SSBP2: variants seen among roughly 807,000 people sequenced by gnomAD.
The protein encoded by SSBP2 is single-stranded DNA-binding protein 2.
SSBP2 carries 17 observed loss-of-function variants against 61.8 expected under a neutral mutation model. The ratio of observed to expected loss-of-function variants is 0.28; its 90% CI spans 0.19 to 0.41. SSBP2 has a LOEUF of 0.41. Ranked by LOEUF, SSBP2 falls within the 10% of genes least tolerant of loss-of-function variation. SSBP2 has a pLI of 1.00. For synonymous variants in SSBP2, 139 were observed against 141.3 expected, an observed-to-expected ratio of 0.98 and a Z score of 0.12; for missense variants, 310 against 458.7, an observed-to-expected ratio of 0.68 and a Z score of 2.96.
intron 5 of SSBP2, among the ~76,000 whole-genome samples, chr5:81,496,803 C>A (rs140096480): frequency 6.6e-6 from 1 of 151,794 alleles, no homozygotes; most frequent in South Asian, 2.1e-4. Context: ...CTTTGTAACA[C>A]CCTGCCATAG....
chr5:81,453,557 C>T (rs574942522), intron 10 of SSBP2, among the ~76,000 whole-genome samples: 5 of 151,040 alleles, frequency 3.3e-5, no homozygotes, highest in Admixed American at 6.6e-5. Flanking sequence ...CCCGGGTTCA[C>T]GCCATTCTCT....
chr5:81,668,549 TA>T (rs199775110), intron 1 of SSBP2, among the ~76,000 whole-genome samples: 3,659 of 152,216 alleles, frequency 0.024, 149 homozygotes, highest in African/African-American at 0.083. Context: ...TGTTTTAATT[TA>T]TAAACAATTT....
chr5:81,564,024 C>T (rs532111224), intron 4 of SSBP2, among the ~76,000 whole-genome samples: 199 of 152,100 alleles, frequency 1.3e-3, no homozygotes, highest in Non-Finnish European at 2.5e-3. Flanking sequence ...TATAAGGAAC[C>T]CCTACCACAC....
At chr5:81,470,076 G>C (rs978071826) in intron 8 of SSBP2, among the ~76,000 whole-genome samples, 1 of 151,830 alleles carries the variant, frequency 6.6e-6, no homozygotes, top group Non-Finnish European at 1.5e-5. Flanking sequence ...CCTTACATGA[G>C]AGCCTATCAT....
chr5:81,594,014 G>A (rs1473237649), intron 4 of SSBP2, among the ~76,000 whole-genome samples: 1 of 152,086 alleles, frequency 6.6e-6, no homozygotes, highest in African/African-American at 2.4e-5. Context: ...ATGTAAATGG[G>A]CTAAATGCTT....
At chr5:81,695,698 T>C (rs1753552636) in intron 1 of SSBP2, among the ~76,000 whole-genome samples, 1 of 152,170 alleles carries the variant, frequency 6.6e-6, no homozygotes. Flanking sequence ...TTTTTCTATA[T>C]TTGCTTGTAA....
At chr5:81,434,454 T>G (rs1247023025) in intron 15 of SSBP2, among the ~76,000 whole-genome samples, 1 of 151,540 alleles carries the variant, frequency 6.6e-6, no homozygotes, top group Non-Finnish European at 1.5e-5. Flanking sequence ...GGTCAGGAGT[T>G]CCAGACCAGC....
chr5:81,540,372 G>T (rs895867817), intron 4 of SSBP2, among the ~76,000 whole-genome samples: 1 of 152,122 alleles, frequency 6.6e-6, no homozygotes. Flanking sequence ...GTGTAAAAGC[G>T]TTCTTATTTC....
At chr5:81,509,272 T>C (rs1301235219) in intron 5 of SSBP2, among the ~76,000 whole-genome samples, 1 of 152,176 alleles carries the variant, frequency 6.6e-6, no homozygotes, top group Non-Finnish European at 1.5e-5. Context: ...ATAATCAGGA[T>C]TGTGCCTGAT....
rs935818881 is a variant in SSBP2 at position 81,665,597 on chromosome 5, G to T, written c.63-15258C>A. ...CAACCTCTGCCTCCCAGGTTCAAGC[G>T]ATCCTCCTGCTTCAGCCACCTGAGT... is the stretch of plus-strand genomic sequence containing the variant. On this transcript the variant is annotated intron_variant, in intron 1 of 16. Transcript: ENST00000320672. Among the ~76,000 whole-genome samples, 4 of 152,120 alleles carry T rather than the reference G, an allele frequency of 2.6e-5. No homozygotes were observed. In the East Asian group the frequency reaches 7.7e-4, roughly 29 times the overall value.
intron 13 of SSBP2, among the ~76,000 whole-genome samples, chr5:81,442,087 A>G (rs1256468478): frequency 6.6e-6 from 1 of 152,138 alleles, no homozygotes; most frequent in East Asian, 1.9e-4. Context: ...TGTTATAAAT[A>G]TTTTTGTAAA....
intron 11 of SSBP2, among the ~76,000 whole-genome samples, chr5:81,448,219 G>A (rs1284403961): frequency 6.6e-6 from 1 of 152,110 alleles, no homozygotes; most frequent in Non-Finnish European, 1.5e-5. Flanking sequence ...TGTAAGCTCA[G>A]GAGGTCATAT....
chr5:81,722,613 C>T (rs1581420813), intron 1 of SSBP2, among the ~76,000 whole-genome samples: 1 of 151,884 alleles, frequency 6.6e-6, no homozygotes, highest in Non-Finnish European at 1.5e-5. Context: ...CAACTTTAGT[C>T]CCTAGTTACA....
At chr5:81,662,364 G>A (rs1166273719) in intron 1 of SSBP2, among the ~76,000 whole-genome samples, 1 of 152,164 alleles carries the variant, frequency 6.6e-6, no homozygotes, top group African/African-American at 2.4e-5. Context: ...CTACTTGGGA[G>A]GCTGAGGCAG....
intron 2 of SSBP2, among the ~76,000 whole-genome samples, chr5:81,645,726 A>C (rs1749187298): frequency 6.6e-6 from 1 of 152,224 alleles, no homozygotes; most frequent in South Asian, 2.1e-4. Context: ...AAGAATAACA[A>C]AGATAAAAGC....
chr5:81,712,173 T>C (rs1041677469), intron 1 of SSBP2, among the ~76,000 whole-genome samples: 2 of 150,170 alleles, frequency 1.3e-5, no homozygotes, highest in Non-Finnish European at 3.0e-5. Context: ...AATAGACAGA[T>C]GGATATTCAT....
chr5:81,554,208 G>C (rs1772420140), intron 4 of SSBP2, among the ~76,000 whole-genome samples: 1 of 152,048 alleles, frequency 6.6e-6, no homozygotes, highest in Admixed American at 6.5e-5. Flanking sequence ...TCCCAACAAT[G>C]TGTAGACTTT....
At chr5:81,564,373 G>A (rs1309596030) in intron 4 of SSBP2, among the ~76,000 whole-genome samples, 15 of 152,214 alleles carry the variant, frequency 9.9e-5, no homozygotes, top group Admixed American at 9.8e-4. Context: ...TGCTGTAAAA[G>A]AAGCCAAAAC....
At chr5:81,677,440 G>A (rs917489493) in intron 1 of SSBP2, among the ~76,000 whole-genome samples, 1 of 152,104 alleles carries the variant, frequency 6.6e-6, no homozygotes, top group Non-Finnish European at 1.5e-5. Context: ...AGAAATCTCT[G>A]CAGGAATCAG....
Sources: allele counts gnomAD v4.1 joint callset (sites outside exome capture counted in the v4.1 genomes callset), GRCh38; gene constraint gnomAD v4.1.1; transcripts MANE v1.5; gene names NCBI Gene and HGNC (gene_info 2026-07-23, HGNC 2026-07-21).